The following NTN4 variants were observed in gnomAD, a reference collection of about 807,000 sequenced individuals.
The protein encoded by NTN4 is netrin 4.
Under a neutral mutation model 73.6 loss-of-function variants are expected in NTN4, and 32 were observed. The ratio of observed to expected loss-of-function variants is 0.44; its 90% CI spans 0.33 to 0.58. The LOEUF (loss-of-function observed/expected upper bound fraction) is 0.58. Among genes scored for constraint, NTN4 ranks in the 20% least tolerant of loss-of-function variants. NTN4 has a pLI of 0.04. For missense variants in NTN4, 654 were observed against 798.3 expected, an observed-to-expected ratio of 0.82 and a Z score of 2.18; for synonymous variants, 258 against 287.5, an observed-to-expected ratio of 0.90 and a Z score of 1.04.
chr12:95,677,647 A>G (rs992559044), intron 7 of NTN4, among the ~76,000 whole-genome samples: 4 of 152,216 alleles, frequency 2.6e-5, no homozygotes, highest in Non-Finnish European at 4.4e-5. Flanking sequence ...TCCTAAGACT[A>G]AAAGAATAGC....
chr12:95,679,403 C>T (rs1252359424), intron 7 of NTN4, among the ~76,000 whole-genome samples: 1 of 152,166 alleles, frequency 6.6e-6, no homozygotes, highest in Admixed American at 6.5e-5. Flanking sequence ...CTCAGCTGCT[C>T]ATTCCCATGA....
chr12:95,687,422 A>G (rs866260234), intron 5 of NTN4, among the ~76,000 whole-genome samples: 13 of 149,694 alleles, frequency 8.7e-5, no homozygotes, highest in South Asian at 4.2e-4. Context: ...GTTTTTTGTG[A>G]TGGAGTCTTG....
chr12:95,766,485 TACA>T (rs550974230), intron 2 of NTN4, among the ~76,000 whole-genome samples: 17 of 152,352 alleles, frequency 1.1e-4, no homozygotes, highest in Non-Finnish European at 2.2e-4. Flanking sequence ...GGTCTTTGGA[TACA>T]ACAAGTTTTT....
intron 2 of NTN4, among the ~76,000 whole-genome samples, chr12:95,765,479 C>T (rs933529195): frequency 2.0e-5 from 3 of 152,292 alleles, no homozygotes; most frequent in East Asian, 1.9e-4. Context: ...AGACCCTCAA[C>T]GCTCTTGGAG....
intron 3 of NTN4, among the ~76,000 whole-genome samples, chr12:95,725,307 AG>A (rs2078684627): frequency 6.6e-6 from 1 of 152,160 alleles, no homozygotes; most frequent in South Asian, 2.1e-4. Context: ...AAGGTGTTGT[AG>A]GGTTTTATTC....
chr12:95,750,190 CTTA>C (rs371674907), intron 2 of NTN4, among the ~76,000 whole-genome samples: 36,545 of 147,974 alleles, frequency 0.25, 5,073 homozygotes, highest in Non-Finnish European at 0.31. Flanking sequence ...GCCCCAACCC[CTTA>C]TTTCTGTGCC....
chr12:95,751,171 C>T (rs1357703403), intron 2 of NTN4, among the ~76,000 whole-genome samples: 3 of 151,978 alleles, frequency 2.0e-5, no homozygotes, highest in Admixed American at 1.3e-4. Context: ...AATTAAATTC[C>T]GGCCCTCAAA....
intron 2 of NTN4, among the ~76,000 whole-genome samples, chr12:95,749,933 G>A (rs547170913): frequency 6.9e-6 from 1 of 144,964 alleles, no homozygotes; most frequent in African/African-American, 2.6e-5. Context: ...CGCTTTTCTG[G>A]GGGAGGGGCA....
At chr12:95,764,535 G>C (rs1242061577) in intron 2 of NTN4, among the ~76,000 whole-genome samples, 1 of 152,062 alleles carries the variant, frequency 6.6e-6, no homozygotes, top group Non-Finnish European at 1.5e-5. Flanking sequence ...CATGGCGTCA[G>C]GCACCTGTAA....
At chr12:95,766,169 T>C (rs2079020216) in intron 2 of NTN4, among the ~76,000 whole-genome samples, 1 of 152,212 alleles carries the variant, frequency 6.6e-6, no homozygotes, top group Admixed American at 6.5e-5. Flanking sequence ...GTGCTCCTCT[T>C]ACAGTAGCAA....
intron 9 of NTN4, among the ~76,000 whole-genome samples, chr12:95,659,931 A>C (rs1173637707): frequency 6.6e-6 from 1 of 152,194 alleles, no homozygotes; most frequent in African/African-American, 2.4e-5. Flanking sequence ...AAGGACACTT[A>C]TCATACTGCC....
chr12:95,790,588 C>T lies in NTN4; in HGVS notation c.-279G>A. On this transcript the variant is annotated 5_prime_UTR_variant, in exon 1 of 10. Coordinates refer to ENST00000343702, the MANE Select transcript of NTN4 (RefSeq NM_021229.4). The surrounding 1 kb of genome is among the most constrained non-coding windows in gnomAD (Gnocchi z 6.5). Reference sequence around the variant, plus strand: ...GACCATAGCCGGCCTGGCTGCGCTGCCCCGCGGAGCGGCCCTGCGGGCTCG... The same window carrying T: ...GACCATAGCCGGCCTGGCTGCGCTGTCCCGCGGAGCGGCCCTGCGGGCTCG... 3.8e-6 allele frequency: 1 copy of T among 262,392 alleles called. No homozygotes were observed. The allele number at this position is 262,392 out of a possible 1,614,324, so 16.3% of individuals were successfully genotyped here.
rs746289741 is a variant in NTN4 at position 95,665,878 on chromosome 12, C to T, written c.1682G>A (p.Arg561Gln). ...TTCTGGATATAATGTTCGCTTTCCT[C>T]GGAAAATCTTCAGTTTGGTAGATTT... is the stretch of plus-strand genomic sequence containing the variant. ...VLKSTKLKIF[R>Q]GKRTLYPESW... The change falls in exon 9 of 10, where the codon CGA (arginine) becomes CAA (glutamine). Residue 561 changes from arginine (R) to glutamine (Q), a missense_variant. Transcript: ENST00000343702. The T allele has an allele frequency of 5.0e-5, 80 of 1,613,856 alleles. 1 individual carries two copies. In the South Asian group the frequency reaches 7.4e-4, roughly 15 times the overall value.
chr12:95,661,192 C>T (rs921378707), intron 9 of NTN4, among the ~76,000 whole-genome samples: 3 of 152,148 alleles, frequency 2.0e-5, no homozygotes, highest in African/African-American at 7.2e-5. Context: ...GCTGTTAAAA[C>T]CATTTCTTAC....
intron 2 of NTN4, among the ~76,000 whole-genome samples, chr12:95,772,154 C>T (rs571941239): frequency 5.3e-5 from 8 of 152,264 alleles, no homozygotes; most frequent in Non-Finnish European, 1.0e-4. Flanking sequence ...ATCCTCCCAC[C>T]TCAGCCTCAC....
At chr12:95,694,852 C>T in intron 5 of NTN4, among the ~76,000 whole-genome samples, 1 of 152,032 alleles carries the variant, frequency 6.6e-6, no homozygotes. Context: ...TATGGCCAGG[C>T]ATGGTGGCTC....
At chr12:95,703,347 A>G (rs1592675077) in intron 5 of NTN4, among the ~76,000 whole-genome samples, 1 of 152,300 alleles carries the variant, frequency 6.6e-6, no homozygotes, top group East Asian at 1.9e-4. Flanking sequence ...AGGCTCTAGC[A>G]CTTGGAAATG....
Position 95,670,135 on chromosome 12 carries a change from A to G in NTN4, c.1522T>C (p.Cys508Arg). Reference protein sequence around the residue: ...SALLHSGKCECKEQTLGNAKA... With the variant: ...SALLHSGKCERKEQTLGNAKA... Reference sequence around the variant, plus strand: ...GCATTTCCTAATGTCTGTTCCTTACATTCGCATTTACCTATGGAAAGTAAA... The same window carrying G: ...GCATTTCCTAATGTCTGTTCCTTACGTTCGCATTTACCTATGGAAAGTAAA... The change falls in exon 8 of 10, where the codon TGT (cysteine) becomes CGT (arginine). Residue 508 changes from cysteine to arginine, a missense_variant. Coordinates refer to ENST00000343702, the MANE Select transcript of NTN4 (RefSeq NM_021229.4). 1 of 1,588,836 alleles carries G rather than the reference A, an allele frequency of 6.3e-7. No individual in the cohort carries two copies. The highest frequency in any genetic ancestry group is 8.6e-7 in the Non-Finnish European group (1 of 1,163,112).
intron 5 of NTN4, among the ~76,000 whole-genome samples, chr12:95,689,472 C>T (rs1022870615): frequency 1.1e-4 from 17 of 152,238 alleles, no homozygotes; most frequent in Middle Eastern, 3.4e-3. Context: ...ATCTTTCTTC[C>T]CATAACAATC....
Sources: allele counts gnomAD v4.1 joint callset (sites outside exome capture counted in the v4.1 genomes callset), GRCh38; gene constraint gnomAD v4.1.1; non-coding constraint Gnocchi (gnomAD v3.1); transcripts MANE v1.5; gene names NCBI Gene and HGNC (gene_info 2026-07-23, HGNC 2026-07-21).